Variants in JAK2 observed in about 807,000 individuals in gnomAD.
JAK2 encodes Janus kinase 2, also known as tyrosine-protein kinase JAK2.
A neutral mutation model predicts 139.3 loss-of-function variants in JAK2; 86 were observed. The observed-to-expected ratio is 0.62, with a 90% CI of 0.52 to 0.74. JAK2 has a LOEUF of 0.74. Among genes scored for constraint, JAK2 ranks in the 30% least tolerant of loss-of-function variants. JAK2 has a pLI of 0.00. For synonymous variants in JAK2, 490 were observed against 437.7 expected (o/e 1.12, Z -1.49); for missense variants, 1,421 against 1,360.3 (o/e 1.04, Z -0.70).
chr9:5,001,566 T>C (rs887596648), intron 2 of JAK2, among the ~76,000 whole-genome samples: 3 of 152,096 alleles, frequency 2.0e-5, no homozygotes, highest in Non-Finnish European at 2.9e-5. Context: ...GACCTTTTTA[T>C]ATGCTCCTGG....
At chr9:5,092,240 C>G (rs76155079) in intron 22 of JAK2, among the ~76,000 whole-genome samples, 3 of 152,032 alleles carry the variant, frequency 2.0e-5, no homozygotes, top group Non-Finnish European at 4.4e-5. Context: ...AGCAGTAAAC[C>G]AAGAGTAGAG....
intron 14 of JAK2, among the ~76,000 whole-genome samples, chr9:5,076,467 G>C (rs902026787): frequency 6.6e-6 from 1 of 152,050 alleles, no homozygotes; most frequent in African/African-American, 2.4e-5. Flanking sequence ...CTTTCTGAAG[G>C]CTCAGATTAT....
intron 14 of JAK2, among the ~76,000 whole-genome samples, chr9:5,074,559 C>G (rs985114354): frequency 6.6e-5 from 10 of 152,174 alleles, no homozygotes; most frequent in African/African-American, 2.4e-4. Flanking sequence ...TATAAGAAGG[C>G]AAACTTCATA....
intron 2 of JAK2, among the ~76,000 whole-genome samples, chr9:5,003,879 G>A (rs2129871688): frequency 1.3e-5 from 2 of 151,992 alleles, no homozygotes; most frequent in East Asian, 3.9e-4. Flanking sequence ...TTTATTCCTA[G>A]TTTGAGATTT....
intron 2 of JAK2, among the ~76,000 whole-genome samples, chr9:5,000,138 A>G (rs1181169335): frequency 1.3e-5 from 2 of 151,974 alleles, no homozygotes; most frequent in Non-Finnish European, 2.9e-5. Context: ...AAACCTTTGT[A>G]GTATATATTT....
In JAK2 at chr9:5,022,189, TGTA is replaced by T; in HGVS notation, c.203_205del (p.Cys68_Ile69delinsPhe). The T allele has an allele frequency of 6.2e-7, 1 of 1,613,956 alleles. No homozygotes were observed. Among genetic ancestry groups the T allele is most frequent in the Non-Finnish European group, 8.5e-7 (1 of 1,179,800 alleles). On this transcript the variant is annotated inframe_deletion, in exon 3 of 25. Coordinates refer to ENST00000381652, the MANE Select transcript of JAK2 (RefSeq NM_004972.4). ...TGGGGAGTATGTTGCAGAAGAAATC[TGTA>T]TTGCTGCTTCTAAAGCTTGTGGTAA... is the stretch of plus-strand genomic sequence containing the variant.
chr9:5,029,982 C>T (rs1587847165), intron 4 of JAK2, 76 bp downstream of exon 4: 2 of 1,336,518 alleles, frequency 1.5e-6, no homozygotes, highest in South Asian at 2.9e-5. Context: ...TTTTTAATTG[C>T]AAGGTACTTA....
chr9:4,995,438 T>A (rs1820505167), intron 2 of JAK2, among the ~76,000 whole-genome samples: 1 of 152,256 alleles, frequency 6.6e-6, no homozygotes, highest in South Asian at 2.1e-4. Context: ...TTTATACTGA[T>A]GCAAGATATA....
rs1817635633 is a variant in JAK2, at chr9:5,054,606, G to T, written c.658G>T (p.Asp220Tyr). 6.2e-7 allele frequency: 1 copy of T among 1,611,230 alleles called. No individual in the cohort carries two copies. The highest frequency in any genetic ancestry group is 1.1e-5 in the South Asian group (1 of 90,618). The change falls in exon 7 of 25, where the codon GAC (aspartate) becomes TAC (tyrosine). Residue 220 changes from aspartate (D) to tyrosine (Y), a missense_variant. Transcript: ENST00000381652. The surrounding 1 kb of genome is among the most constrained non-coding windows in gnomAD (Gnocchi z 4.9). Reference protein sequence around the residue: ...LPKCIRAKIQDYHILTRKRIR... With the variant: ...LPKCIRAKIQYYHILTRKRIR... ...AAAATGTATTCGAGCAAAGATCCAAGACTATCATATTTTGACAAGGAAGCG... is the reference window on the plus strand; with the variant it reads ...AAAATGTATTCGAGCAAAGATCCAATACTATCATATTTTGACAAGGAAGCG...
At chr9:5,011,838 C>G (rs1821723362) in intron 2 of JAK2, among the ~76,000 whole-genome samples, 1 of 152,162 alleles carries the variant, frequency 6.6e-6, no homozygotes, top group Non-Finnish European at 1.5e-5. Context: ...TTTGTTGGGA[C>G]AGGTCTATTT....
intron 4 of JAK2, among the ~76,000 whole-genome samples, chr9:5,042,569 GTAGTGGGAT>G (rs1816670620): frequency 6.6e-6 from 1 of 152,084 alleles, no homozygotes; most frequent in African/African-American, 2.4e-5. Context: ...GCTGAAGTGA[GTAGTGGGAT>G]CCTGGAGGCC....
intron 22 of JAK2, chr9:5,108,561 C>T (rs1388014226): frequency 2.6e-5 from 4 of 152,068 alleles, no homozygotes; most frequent in Non-Finnish European, 5.9e-5. Context: ...CGGACTTCAC[C>T]TGTGACTCCC....
At chr9:5,080,466 A>G (rs1819611265) in intron 17 of JAK2, 67 bp from the exon 18 acceptor site, 1 of 1,537,304 alleles carries the variant, frequency 6.5e-7, no homozygotes, top group Non-Finnish European at 8.8e-7. Context: ...TAGCCCATCT[A>G]ATTTTAAAAA....
chr9:5,032,696 G>A (rs1823254184), intron 4 of JAK2, among the ~76,000 whole-genome samples: 1 of 152,204 alleles, frequency 6.6e-6, no homozygotes, highest in African/African-American at 2.4e-5. Context: ...CTGACTGTCA[G>A]AAGGAAAACT....
intron 8 of JAK2, among the ~76,000 whole-genome samples, chr9:5,059,172 A>T (rs983478746): frequency 3.9e-4 from 59 of 152,290 alleles, no homozygotes; most frequent in African/African-American, 1.2e-3. Context: ...CACCCACCTC[A>T]AAAAACAGAA....
In JAK2 at chr9:5,054,982, C is replaced by G; in HGVS notation, c.936+98C>G. The G allele has an allele frequency of 2.4e-6, 2 of 835,032 alleles. No individual in the cohort carries two copies. The highest frequency in any genetic ancestry group is 1.8e-6 in the Non-Finnish European group (1 of 550,046). 51.7% of individuals were successfully genotyped at this position (835,032 alleles called of 1,614,324 possible). A position where few individuals can be genotyped will look rare whatever the true frequency, so the allele number is the denominator to read the frequency against. On this transcript the variant is annotated intron_variant, in intron 7 of 24. Coordinates refer to ENST00000381652, the MANE Select transcript of JAK2 (RefSeq NM_004972.4). This position sits in a 1 kb window ranked among gnomAD's most constrained non-coding sequence, Gnocchi z 4.9. ...TCATTTGCAACATGGTATTGCACTTCTCCCATTTGATAGAAGTGGAAGTTT... is the reference window on the plus strand; with the variant it reads ...TCATTTGCAACATGGTATTGCACTTGTCCCATTTGATAGAAGTGGAAGTTT...
At chr9:5,106,792 C>T (rs928360848) in intron 22 of JAK2, among the ~76,000 whole-genome samples, 6 of 152,204 alleles carry the variant, frequency 3.9e-5, no homozygotes, top group East Asian at 1.9e-4. Context: ...AGCAAACTAG[C>T]GCAAGGACAG....
At chr9:5,125,203 T>C (rs1472431114) in intron 23 of JAK2, among the ~76,000 whole-genome samples, 2 of 151,178 alleles carry the variant, frequency 1.3e-5, no homozygotes, top group African/African-American at 2.4e-5. Context: ...TGTATAAAAG[T>C]ATATACAAAG....
chr9:5,114,287 C>T (rs990018267), intron 22 of JAK2: 4 of 542,248 alleles, frequency 7.4e-6, no homozygotes, highest in East Asian at 4.5e-5. Flanking sequence ...GCAAGGAGAA[C>T]GTGAAGCTGA....
Sources: gnomAD v4.1 joint callset for allele counts (sites outside exome capture counted in the v4.1 genomes callset) on GRCh38, gnomAD v4.1.1 for gene constraint, Gnocchi (gnomAD v3.1) non-coding constraint, MANE v1.5 for transcripts, NCBI Gene and HGNC (gene_info 2026-07-23, HGNC 2026-07-21) for gene names.